Variants in RRM2B observed in about 807,000 individuals in gnomAD.
RRM2B encodes ribonucleoside-diphosphate reductase subunit M2 B.
A neutral mutation model predicts 45.9 loss-of-function variants in RRM2B; 20 were observed. The observed-to-expected ratio is 0.44, with a 90% confidence interval of 0.31 to 0.63. RRM2B has a LOEUF of 0.63. Ranked by LOEUF, RRM2B falls within the 30% of genes least tolerant of loss-of-function variation. The pLI, the probability that RRM2B is intolerant of heterozygous loss-of-function variation, is 0.09. For missense variants in RRM2B, 320 were observed against 414.7 expected, an observed-to-expected ratio of 0.77 and a Z score of 1.98; for synonymous variants, 124 against 132.3, an observed-to-expected ratio of 0.94 and a Z score of 0.43.
chr8:102,232,569 G>A (rs888588269), intron 1 of RRM2B, among the ~76,000 whole-genome samples: 3 of 152,168 alleles, frequency 2.0e-5, no homozygotes, highest in African/African-American at 7.2e-5. Flanking sequence ...ATGATTAAAA[G>A]TGCTTTAAAC....
At chr8:102,229,049 AT>A (rs1410860788) in intron 2 of RRM2B, among the ~76,000 whole-genome samples, 1 of 152,166 alleles carries the variant, frequency 6.6e-6, no homozygotes. Context: ...AGGTCAAGAG[AT>A]TGAGACCAAC....
At chr8:102,221,933 G>GA (rs1395557808) in intron 5 of RRM2B, among the ~76,000 whole-genome samples, 1 of 152,124 alleles carries the variant, frequency 6.6e-6, no homozygotes, top group Non-Finnish European at 1.5e-5. Context: ...CCTTGTGAGG[G>GA]AATCAGCTGA....
At chr8:102,217,781 G>A (rs1344561963) in intron 6 of RRM2B, among the ~76,000 whole-genome samples, 1 of 150,824 alleles carries the variant, frequency 6.6e-6, no homozygotes, top group Non-Finnish European at 1.5e-5. Context: ...TAATTGATCA[G>A]GAAAGTTTTG....
At chr8:102,226,765 G>A (rs1226823141) in intron 2 of RRM2B, among the ~76,000 whole-genome samples, 1 of 152,170 alleles carries the variant, frequency 6.6e-6, no homozygotes, top group African/African-American at 2.4e-5. Context: ...CCAGGCTAGA[G>A]TGCAGTGGCA....
chr8:102,231,585 T>C (rs1811029317), intron 2 of RRM2B, among the ~76,000 whole-genome samples: 1 of 152,074 alleles, frequency 6.6e-6, no homozygotes, highest in African/African-American at 2.4e-5. Flanking sequence ...AAATAGAAAA[T>C]GTTGGCTGGG....
chr8:102,220,592 C>G (rs759235180), intron 5 of RRM2B, among the ~76,000 whole-genome samples: 1 of 152,180 alleles, frequency 6.6e-6, no homozygotes, highest in Non-Finnish European at 1.5e-5. Context: ...GCGTGCGTCA[C>G]CATGCCTGGC....
intron 2 of RRM2B, among the ~76,000 whole-genome samples, chr8:102,229,021 C>T (rs977800322): frequency 6.6e-6 from 1 of 152,158 alleles, no homozygotes; most frequent in African/African-American, 2.4e-5. Flanking sequence ...TTTGGGAGGC[C>T]AAGGTGAGTG....
At chr8:102,236,759 T>C (rs895698414) in intron 1 of RRM2B, among the ~76,000 whole-genome samples, 16 of 152,240 alleles carry the variant, frequency 1.1e-4, no homozygotes, top group African/African-American at 3.9e-4. Flanking sequence ...GCAGTAGGCA[T>C]TCCTTAGTGA....
intron 6 of RRM2B, among the ~76,000 whole-genome samples, chr8:102,218,115 A>G (rs1252435895): frequency 6.6e-6 from 1 of 152,234 alleles, no homozygotes; most frequent in African/African-American, 2.4e-5. Flanking sequence ...TCTAACATGC[A>G]CTAGCATACA....
intron 2 of RRM2B, among the ~76,000 whole-genome samples, chr8:102,226,705 G>A (rs1347296485): frequency 6.6e-6 from 1 of 152,112 alleles, no homozygotes; most frequent in East Asian, 1.9e-4. Context: ...ATGCCAGGCA[G>A]GTAACAACCT....
Position 102,238,911 on chromosome 8 carries a change from A to C in RRM2B, c.-37T>G. ...CGCCGAAGCTACGGGCGCTGAGGGA[A>C]CTGAGCTCCTCAGGCCACCTCCAAC... On this transcript the variant is annotated 5_prime_UTR_variant, in exon 1 of 9. Coordinates refer to ENST00000251810, the MANE Select transcript of RRM2B (RefSeq NM_015713.5). 5 of 1,603,470 alleles carry C rather than the reference A, an allele frequency of 3.1e-6. No homozygotes were observed. Among genetic ancestry groups the C allele is most frequent in the Non-Finnish European group, 4.2e-6 (5 of 1,177,874 alleles).
chr8:102,214,102 T>C lies in RRM2B; in HGVS notation c.741A>G (p.Ser247=). 1 of 1,613,692 alleles carries C rather than the reference T, an allele frequency of 6.2e-7. No homozygotes were observed. Among genetic ancestry groups the C allele is most frequent in the Non-Finnish European group, 8.5e-7 (1 of 1,179,782 alleles). The change falls in exon 7 of 9, where the codon TCA becomes TCG. Residue 247 remains serine (S), a synonymous_variant. Transcript: ENST00000251810. ...LMFQYLVNKP[S]EERVREIIVD... is the part of the protein sequence containing the mutation. ...CAATGATCTCCCTGACCCTTTCTTC[T>C]GAAGGCTTATTTACTAAGTATTGGA...
chr8:102,223,816 A>G (rs1354194970), intron 5 of RRM2B, among the ~76,000 whole-genome samples: 1 of 152,144 alleles, frequency 6.6e-6, no homozygotes, highest in Non-Finnish European at 1.5e-5. Flanking sequence ...GTAATTATGC[A>G]CTAACATCTT....
At chr8:102,224,689 T>C (rs1249894188) in intron 4 of RRM2B, among the ~76,000 whole-genome samples, 196 bp downstream of exon 4, 1 of 152,176 alleles carries the variant, frequency 6.6e-6, no homozygotes, top group Non-Finnish European at 1.5e-5. Flanking sequence ...TTCTTAAAGA[T>C]AAAATATCTA....
In RRM2B at chr8:102,218,924, C is replaced by T. The variant is rs779724753; in HGVS notation, c.574G>A (p.Ala192Thr). The change falls in exon 6 of 9, where the codon GCT becomes ACT. Residue 192 changes from alanine to threonine, a missense_variant. Ala to Thr is a moderately conservative substitution (Grantham distance 58). Coordinates refer to ENST00000251810, the MANE Select transcript of RRM2B (RefSeq NM_015713.5). ...CCTGAGAAGAAAACTCCTTCTACAG[C>T]AGCAAAGGCCACCACTCTTTCCCCT... ...TFGERVVAFA[A>T]VEGVFFSGSF... 4 of 1,613,022 alleles carry T rather than the reference C, an allele frequency of 2.5e-6. No homozygotes were observed. Among genetic ancestry groups the T allele is most frequent in the Non-Finnish European group, 2.5e-6 (3 of 1,179,442 alleles).
At chr8:102,228,984 G>C (rs958403086) in intron 2 of RRM2B, among the ~76,000 whole-genome samples, 1 of 152,168 alleles carries the variant, frequency 6.6e-6, no homozygotes, top group East Asian at 1.9e-4. Context: ...GGCTGGGCAC[G>C]GTAGCTCACG....
intron 1 of RRM2B, among the ~76,000 whole-genome samples, chr8:102,235,400 G>A (rs190453246): frequency 2.8e-4 from 42 of 152,260 alleles, no homozygotes; most frequent in African/African-American, 1.0e-3. Context: ...AGTACCTGGA[G>A]AATAAATAAA....
At chr8:102,227,475 T>G (rs957749805) in intron 2 of RRM2B, among the ~76,000 whole-genome samples, 1 of 151,834 alleles carries the variant, frequency 6.6e-6, no homozygotes, top group South Asian at 2.1e-4. Flanking sequence ...TAATTTTTTG[T>G]ATTTTTGGTA....
intron 1 of RRM2B, among the ~76,000 whole-genome samples, chr8:102,233,564 T>C (rs1173670204): frequency 1.3e-5 from 2 of 152,220 alleles, no homozygotes; most frequent in Non-Finnish European, 2.9e-5. Flanking sequence ...TAATTTAACA[T>C]AGGACCACAA....
Sources: gnomAD v4.1 joint callset for allele counts (sites outside exome capture counted in the v4.1 genomes callset) on GRCh38, gnomAD v4.1.1 for gene constraint, MANE v1.5 for transcripts, NCBI Gene and HGNC (gene_info 2026-07-23, HGNC 2026-07-21) for gene names.